The following GTF2H5 variants were observed in gnomAD, a reference collection of about 807,000 sequenced individuals.
GTF2H5 encodes TFB5 ortholog.
In GTF2H5, 5 loss-of-function variants were observed where a neutral mutation model predicts 7.1. The ratio of observed to expected loss-of-function variants is 0.71; its 90% CI spans 0.37 to 1.49. GTF2H5 has a LOEUF of 1.49. Among genes scored for constraint, GTF2H5 ranks in the 40% most tolerant of loss-of-function variants. The pLI is 0.03. For synonymous variants in GTF2H5, 30 were observed against 31.7 expected, an observed-to-expected ratio of 0.95 and a Z score of 0.18; for missense variants, 80 against 83.0, an observed-to-expected ratio of 0.96 and a Z score of 0.14.
In GTF2H5 at chr6:158,169,423, TA is replaced by T. The variant is rs1414605389; in HGVS notation, c.-35+1030del. Reference sequence around the variant, plus strand: ...TATATTGTATATTATATATTATATATAATATATTGTATATTATATATATTAT... The same window carrying T: ...TATATTGTATATTATATATTATATATATATATTGTATATTATATATATTAT... On this transcript the variant is annotated intron_variant, in intron 1 of 2. Transcript: ENST00000607778. 1.6e-4 allele frequency among the ~76,000 whole-genome samples: 13 copies of T among 80,586 alleles called. 1 individual carries two copies. Among genetic ancestry groups the T allele is most frequent in the African/African-American group, 7.0e-4 (12 of 17,216 alleles). 52.9% of individuals were successfully genotyped at this position (80,586 alleles called of 152,430 possible). A position where few individuals can be genotyped will look rare whatever the true frequency, so the allele number is the denominator to read the frequency against.
intron 2 of GTF2H5, among the ~76,000 whole-genome samples, chr6:158,191,340 G>A (rs1777022563): frequency 1.3e-5 from 2 of 152,208 alleles, no homozygotes; most frequent in Non-Finnish European, 2.9e-5. Flanking sequence ...AAGAAATTCA[G>A]TGTTTAAATC....
chr6:158,185,477 G>A (rs1056097194), intron 2 of GTF2H5, among the ~76,000 whole-genome samples: 1 of 150,630 alleles, frequency 6.6e-6, no homozygotes, highest in Non-Finnish European at 1.5e-5. Flanking sequence ...GGAGGTTGAG[G>A]CTGCAGTGAA....
chr6:158,182,869 A>G (rs1217356393), intron 2 of GTF2H5, among the ~76,000 whole-genome samples: 1 of 152,044 alleles, frequency 6.6e-6, no homozygotes, highest in Non-Finnish European at 1.5e-5. Context: ...TTCTGAAGCC[A>G]ACTTCTGTCA....
In GTF2H5 at chr6:158,195,299, T is replaced by C. The variant is rs143033146; in HGVS notation, c.*3142T>C. 7.2e-5 allele frequency: 11 copies of C among 152,306 alleles called. No homozygotes were observed. The East Asian group carries it at 2.1e-3, about 29-fold the overall frequency. 9.4% of individuals were successfully genotyped at this position (152,306 alleles called of 1,614,324 possible). On this transcript the variant is annotated 3_prime_UTR_variant, in exon 3 of 3. Transcript: ENST00000607778. ...GACAGAGTGAAACTTTGTCTCTTAA[T>C]AGAACTATGGACTGAAGTTGTGATA...
intron 2 of GTF2H5, among the ~76,000 whole-genome samples, chr6:158,173,588 T>G (rs992546480): frequency 1.3e-5 from 2 of 152,216 alleles, no homozygotes; most frequent in Non-Finnish European, 2.9e-5. Context: ...GTATGGAATT[T>G]GATAGGTCTG....
intron 2 of GTF2H5, among the ~76,000 whole-genome samples, chr6:158,172,042 G>A (rs1785864116): frequency 7.5e-6 from 1 of 132,706 alleles, no homozygotes; most frequent in Non-Finnish European, 1.5e-5. Flanking sequence ...CAGAGTGTCA[G>A]CTATCACTTT....
At chr6:158,180,488 T>C (rs1484785063) in intron 2 of GTF2H5, among the ~76,000 whole-genome samples, 1 of 152,212 alleles carries the variant, frequency 6.6e-6, no homozygotes, top group African/African-American at 2.4e-5. Context: ...TGGCTGTGAA[T>C]CCATCTGGTC....
intron 2 of GTF2H5, among the ~76,000 whole-genome samples, chr6:158,175,032 G>GTA (rs1315754946): frequency 2.1e-5 from 3 of 145,526 alleles, no homozygotes; most frequent in African/African-American, 7.7e-5. Flanking sequence ...GTGTGTGTGT[G>GTA]TGTGTGTGTG....
intron 2 of GTF2H5, among the ~76,000 whole-genome samples, chr6:158,171,842 G>C (rs1174602030): frequency 3.3e-5 from 5 of 152,126 alleles, no homozygotes; most frequent in Non-Finnish European, 5.9e-5. Flanking sequence ...AAACCACTGC[G>C]GGGGAGAGGT....
intron 2 of GTF2H5, among the ~76,000 whole-genome samples, chr6:158,186,363 A>G (rs568075479): frequency 6.6e-6 from 1 of 152,318 alleles, no homozygotes; most frequent in African/African-American, 2.4e-5. Flanking sequence ...TGCCTTTAAT[A>G]CCTGTTAGTA....
intron 2 of GTF2H5, among the ~76,000 whole-genome samples, chr6:158,187,132 T>G (rs1776941669): frequency 6.6e-6 from 1 of 152,036 alleles, no homozygotes; most frequent in Non-Finnish European, 1.5e-5. Context: ...GTAGGTAGTA[T>G]TACAAGCGCC....
At chr6:158,182,809 G>A (rs1049816593) in intron 2 of GTF2H5, among the ~76,000 whole-genome samples, 7 of 152,050 alleles carry the variant, frequency 4.6e-5, no homozygotes, top group African/African-American at 1.4e-4. Context: ...GCTTCCTTGC[G>A]ATGGGTAGAA....
rs1205230157 is a variant in GTF2H5, at chr6:158,197,737, G to A, written c.*5580G>A. 6.6e-6 allele frequency: 1 copy of A among 152,046 alleles called. No individual in the cohort carries two copies. The highest frequency in any genetic ancestry group is 1.5e-5 in the Non-Finnish European group (1 of 68,012). 9.4% of individuals were successfully genotyped at this position (152,046 alleles called of 1,614,324 possible). On this transcript the variant is annotated 3_prime_UTR_variant, in exon 3 of 3. Coordinates refer to ENST00000607778, the MANE Select transcript of GTF2H5 (RefSeq NM_207118.3). Reference sequence around the variant, plus strand: ...TTCCCCTGCGCATTCCTCTCATAAAGCAAGGGCAGTTTAGCTAGAATTTCT... The same window carrying A: ...TTCCCCTGCGCATTCCTCTCATAAAACAAGGGCAGTTTAGCTAGAATTTCT...
At chr6:158,188,141 C>T (rs546729873) in intron 2 of GTF2H5, among the ~76,000 whole-genome samples, 38 of 152,224 alleles carry the variant, frequency 2.5e-4, no homozygotes, top group African/African-American at 8.7e-4. Context: ...ACTTGTGGGG[C>T]CTGGAGAGTG....
intron 2 of GTF2H5, among the ~76,000 whole-genome samples, chr6:158,187,855 C>T (rs1350763141): frequency 1.3e-5 from 2 of 152,150 alleles, no homozygotes; most frequent in South Asian, 2.1e-4. Flanking sequence ...CGTGAGCCAC[C>T]GCACCCGGCC....
intron 2 of GTF2H5, among the ~76,000 whole-genome samples, chr6:158,184,296 C>T (rs1197482217): frequency 6.6e-6 from 1 of 152,024 alleles, no homozygotes; most frequent in East Asian, 1.9e-4. Flanking sequence ...TTCCTGTTCT[C>T]ATTTCTAGTT....
intron 2 of GTF2H5, among the ~76,000 whole-genome samples, chr6:158,180,859 T>G (rs1259807355): frequency 1.3e-5 from 2 of 151,840 alleles, no homozygotes; most frequent in African/African-American, 4.8e-5. Flanking sequence ...AGGGTTTTTT[T>G]GTCTCTATCT....
intron 1 of GTF2H5, among the ~76,000 whole-genome samples, chr6:158,169,726 A>G (rs1449755936): frequency 5.1e-5 from 3 of 58,282 alleles, no homozygotes; most frequent in East Asian, 4.2e-4. Flanking sequence ...ATATTATATA[A>G]TATATTGTAT....
chr6:158,183,767 A>G (rs529910082), intron 2 of GTF2H5, among the ~76,000 whole-genome samples: 1 of 152,168 alleles, frequency 6.6e-6, no homozygotes, highest in African/African-American at 2.4e-5. Flanking sequence ...AAAGTGCAGC[A>G]TTTGGGCTGG....
Sources: gnomAD v4.1 joint callset for allele counts (sites outside exome capture counted in the v4.1 genomes callset) on GRCh38, gnomAD v4.1.1 for gene constraint, MANE v1.5 for transcripts, NCBI Gene and HGNC (gene_info 2026-07-23, HGNC 2026-07-21) for gene names.